ZMAT4: variants seen among roughly 807,000 people sequenced by gnomAD.
ZMAT4 encodes the protein zinc finger matrin-type protein 4.
Under a neutral mutation model 28.7 loss-of-function variants are expected in ZMAT4, and 17 were observed. The observed-to-expected ratio is 0.59, with a 90% CI of 0.41 to 0.89. The LOEUF (loss-of-function observed/expected upper bound fraction) is 0.89, where lower values mean the gene tolerates loss of function less well. Ranked by LOEUF, ZMAT4 falls within the 40% of genes least tolerant of loss-of-function variation. The probability of loss-of-function intolerance (pLI) is 0.00; values close to 1 mark genes in which losing one functional copy is unlikely to be tolerated. For missense variants in ZMAT4, 240 were observed against 283.8 expected, an observed-to-expected ratio of 0.85 and a Z score of 1.11; for synonymous variants, 117 against 109.2, an observed-to-expected ratio of 1.07 and a Z score of -0.44.
intron 3 of ZMAT4, among the ~76,000 whole-genome samples, chr8:40,727,871 A>G (rs757173692): frequency 5.3e-5 from 8 of 152,214 alleles, no homozygotes; most frequent in Non-Finnish European, 1.2e-4. Flanking sequence ...TCAAAACCTA[A>G]AATAAAGGAA....
intron 1 of ZMAT4, among the ~76,000 whole-genome samples, chr8:40,846,300 C>T (rs1362070664): frequency 6.6e-6 from 1 of 152,198 alleles, no homozygotes; most frequent in Non-Finnish European, 1.5e-5. Context: ...CCACTCAACC[C>T]AATCCCCAGC....
Position 40,628,575 on chromosome 8 carries a change from G to A in ZMAT4, c.577+46129C>T, listed in dbSNP as rs1806459421. ...TGGAGAATGGCTATTATGGAATTAAGAAACTTGTAAGTGTAGAAAGCTGTG... is the reference window on the plus strand; with the variant it reads ...TGGAGAATGGCTATTATGGAATTAAAAAACTTGTAAGTGTAGAAAGCTGTG... On this transcript the variant is annotated intron_variant, in intron 5 of 6. Coordinates refer to ENST00000297737, the MANE Select transcript of ZMAT4 (RefSeq NM_024645.3). Among the ~76,000 whole-genome samples the A allele has an allele frequency of 2.6e-5, 4 of 152,260 alleles. No homozygotes were observed. The South Asian group carries it at 8.3e-4, about 32-fold the overall frequency.
intron 5 of ZMAT4, among the ~76,000 whole-genome samples, chr8:40,626,487 T>C (rs1310972386): frequency 6.6e-6 from 1 of 152,202 alleles, no homozygotes; most frequent in African/African-American, 2.4e-5. Flanking sequence ...AAAACTCTTC[T>C]GTGTTAGGGC....
At chr8:40,665,771 C>A (rs1397596589) in intron 5 of ZMAT4, among the ~76,000 whole-genome samples, 1 of 152,124 alleles carries the variant, frequency 6.6e-6, no homozygotes, top group African/African-American at 2.4e-5. Context: ...AATTGTGACA[C>A]CCTCAGTGAG....
chr8:40,768,559 A>G (rs1040749323), intron 2 of ZMAT4, among the ~76,000 whole-genome samples: 3 of 152,154 alleles, frequency 2.0e-5, no homozygotes, highest in African/African-American at 7.2e-5. Flanking sequence ...GAGTCATCAC[A>G]CATTCAGAAT....
intron 1 of ZMAT4, among the ~76,000 whole-genome samples, chr8:40,861,591 C>G (rs1817495839): frequency 6.6e-6 from 1 of 152,170 alleles, no homozygotes; most frequent in South Asian, 2.1e-4. Context: ...AATTAAAGAG[C>G]TTCTGCACAG....
intron 1 of ZMAT4, among the ~76,000 whole-genome samples, chr8:40,880,384 A>AT (rs1347821895): frequency 6.6e-6 from 1 of 151,658 alleles, no homozygotes; most frequent in Admixed American, 6.6e-5. Flanking sequence ...AAAAAAAAAA[A>AT]GTACAGAAAT....
At chr8:40,883,979 T>C (rs1294236581) in intron 1 of ZMAT4, among the ~76,000 whole-genome samples, 1 of 152,160 alleles carries the variant, frequency 6.6e-6, no homozygotes, top group Non-Finnish European at 1.5e-5. Flanking sequence ...GCTCAAGTGA[T>C]AGCATCGGCA....
chr8:40,828,662 G>T (rs1266593122), intron 1 of ZMAT4, among the ~76,000 whole-genome samples: 1 of 152,108 alleles, frequency 6.6e-6, no homozygotes, highest in East Asian at 1.9e-4. Flanking sequence ...AGGCAATAAG[G>T]ACCCCTCTGA....
intron 3 of ZMAT4, among the ~76,000 whole-genome samples, chr8:40,722,823 T>G (rs1811159362): frequency 6.6e-6 from 1 of 152,086 alleles, no homozygotes; most frequent in Admixed American, 6.5e-5. Context: ...AGACACCGGG[T>G]GATAAGTGCT....
chr8:40,759,831 A>T (rs1369012648), intron 3 of ZMAT4, among the ~76,000 whole-genome samples: 2 of 152,186 alleles, frequency 1.3e-5, no homozygotes, highest in Non-Finnish European at 2.9e-5. Flanking sequence ...TGCTGCAAAG[A>T]CCAACCTTTC....
chr8:40,768,783 T>C (rs1158194511), intron 2 of ZMAT4, among the ~76,000 whole-genome samples: 2 of 152,212 alleles, frequency 1.3e-5, no homozygotes, highest in Non-Finnish European at 2.9e-5. Flanking sequence ...GCATCACCTC[T>C]CGAATCTATT....
intron 5 of ZMAT4, among the ~76,000 whole-genome samples, chr8:40,633,732 G>A (rs1806684735): frequency 6.6e-6 from 1 of 152,220 alleles, no homozygotes; most frequent in African/African-American, 2.4e-5. Context: ...GACTGGCTAA[G>A]TGGGAATGAG....
chr8:40,548,308 G>A (rs1414456380), intron 6 of ZMAT4, among the ~76,000 whole-genome samples: 1 of 151,954 alleles, frequency 6.6e-6, no homozygotes, highest in Non-Finnish European at 1.5e-5. Flanking sequence ...AAACAGAGAA[G>A]GAGGAGGAAG....
chr8:40,796,219 G>A lies in ZMAT4; in HGVS notation c.103-28489C>T, dbSNP rs554629747. 3.3e-5 allele frequency among the ~76,000 whole-genome samples: 5 copies of A among 152,286 alleles called. No individual in the cohort carries two copies. The South Asian group carries it at 1.0e-3, about 32-fold the overall frequency. ...ACAGCGCCCATGCACCTAACAGCAG[G>A]CTCCAAGAGGCTCCCCAGGGAGAGG... is the stretch of plus-strand genomic sequence containing the variant. On this transcript the variant is annotated intron_variant, in intron 2 of 6. Transcript: ENST00000297737.
intron 5 of ZMAT4, among the ~76,000 whole-genome samples, chr8:40,610,832 G>A (rs1235389241): frequency 6.6e-6 from 1 of 150,976 alleles, no homozygotes; most frequent in Non-Finnish European, 1.5e-5. Context: ...TAAGAGATAG[G>A]CCATAGAAAA....
chr8:40,817,620 AT>A (rs1815595810), intron 2 of ZMAT4, among the ~76,000 whole-genome samples: 1 of 152,184 alleles, frequency 6.6e-6, no homozygotes, highest in Non-Finnish European at 1.5e-5. Context: ...TATCGTCACC[AT>A]TGAAAAGTGT....
In ZMAT4 at chr8:40,530,884, G is replaced by A. The variant is rs538191412; in HGVS notation, c.*1339C>T. The A allele has an allele frequency of 1.3e-5, 2 of 152,524 alleles. No individual in the cohort carries two copies. The highest frequency in any genetic ancestry group is 4.8e-5 in the African/African-American group (2 of 41,404). 9.4% of individuals were successfully genotyped at this position (152,524 alleles called of 1,614,324 possible). A position where few individuals can be genotyped will look rare whatever the true frequency, so the allele number is the denominator to read the frequency against. The stretch of plus-strand genomic sequence containing the variant: ...GCCAGATTTTGAACACAGGTAAACA[G>A]GCTCCTTCATAACAACACTGTGCAT... On this transcript the variant is annotated 3_prime_UTR_variant, in exon 7 of 7. Coordinates refer to ENST00000297737, the MANE Select transcript of ZMAT4 (RefSeq NM_024645.3).
At chr8:40,667,534 T>C (rs1416964860) in intron 5 of ZMAT4, among the ~76,000 whole-genome samples, 1 of 152,202 alleles carries the variant, frequency 6.6e-6, no homozygotes, top group Non-Finnish European at 1.5e-5. Flanking sequence ...TGCCATGTGA[T>C]GCTAATCATC....
Sources: allele counts gnomAD v4.1 joint callset (sites outside exome capture counted in the v4.1 genomes callset), GRCh38; gene constraint gnomAD v4.1.1; transcripts MANE v1.5; gene names NCBI Gene and HGNC (gene_info 2026-07-23, HGNC 2026-07-21).